FBXO22: variants seen among roughly 807,000 people sequenced by gnomAD.
The protein encoded by FBXO22 is F-box protein 22.
A neutral mutation model predicts 37.2 loss-of-function variants in FBXO22; 13 were observed. That is an observed-to-expected ratio of 0.35 (90% CI 0.23 to 0.56). FBXO22 has a LOEUF of 0.56. FBXO22 is among the 20% of genes least tolerant of loss of function. The probability of loss-of-function intolerance (pLI) is 0.87; values close to 1 mark genes in which losing one functional copy is unlikely to be tolerated. For synonymous variants in FBXO22, 189 were observed against 189.1 expected (o/e 1.00, Z 0.00); for missense variants, 446 against 509.9 (o/e 0.87, Z 1.21).
rs1351443205 is a variant in FBXO22 at position 75,929,891 on chromosome 15, A to G, written c.636A>G (p.Leu212=). Residue 212 remains leucine, a synonymous_variant, in exon 6 of 7, where the codon TTA becomes TTG. Transcript: ENST00000308275. ...CTCTTCATTTCTCTGCAGGTCTTTT[A>G]GATAACCCTGAACTTCGTGTGGTCC... ...ERHQLTEVGL[L]DNPELRVVLV... 11 of 1,614,056 alleles carry G rather than the reference A, an allele frequency of 6.8e-6. No homozygotes were observed. Among genetic ancestry groups the G allele is most frequent in the Non-Finnish European group, 9.3e-6 (11 of 1,179,940 alleles).
intron 2 of FBXO22, among the ~76,000 whole-genome samples, chr15:75,906,133 C>CA (rs1172517837): frequency 6.6e-6 from 1 of 152,142 alleles, no homozygotes; most frequent in Non-Finnish European, 1.5e-5. Context: ...AGGCTGGCTT[C>CA]AGTGTCTTTT....
chr15:75,932,597 C>A, intron 6 of FBXO22, 88 bp from the exon 7 acceptor site: 1 of 1,304,418 alleles, frequency 7.7e-7, no homozygotes, highest in Non-Finnish European at 1.0e-6. Flanking sequence ...AGGCAGCAGC[C>A]TCCCGTCAGT....
At chr15:75,926,396 A>C (rs1900441354) in intron 5 of FBXO22, among the ~76,000 whole-genome samples, 1 of 152,244 alleles carries the variant, frequency 6.6e-6, no homozygotes, top group African/African-American at 2.4e-5. Flanking sequence ...CTGTTGGTTA[A>C]ATACAGAGCC....
intron 1 of FBXO22, 123 bp from the exon 2 acceptor site, chr15:75,904,368 C>T (rs2255701): frequency 0.16 from 231,160 of 1,435,884 alleles, 20,544 homozygotes; most frequent in Admixed American, 0.34. Context: ...CACCTACCTA[C>T]CCCGGGGACT....
intron 6 of FBXO22, chr15:75,930,880 G>A (rs2029985690): frequency 1.0e-6 from 1 of 976,836 alleles, no homozygotes; most frequent in African/African-American, 1.8e-5. Context: ...GTATCTATAA[G>A]AATAATGTAA....
At position 75,933,176 on chromosome 15, in the gene FBXO22, G is replaced by GT; in HGVS notation, c.*75dup. The GT allele has an allele frequency of 7.7e-7, 1 of 1,293,800 alleles. No homozygotes were observed. The highest frequency in any genetic ancestry group is 2.3e-5 in the Admixed American group (1 of 43,918). 80.1% of individuals were successfully genotyped at this position (1,293,800 alleles called of 1,614,324 possible). A position where few individuals can be genotyped will look rare whatever the true frequency, so the allele number is the denominator to read the frequency against. On this transcript the variant is annotated 3_prime_UTR_variant, in exon 7 of 7. Transcript: ENST00000308275. ...CAGAAAATGGAAACTTGGGCCATGT[G>GT]TATTTCAAACAAAAATAACTTTAGA...
At chr15:75,915,094 A>G (rs1321482509) in intron 4 of FBXO22, among the ~76,000 whole-genome samples, 2 of 152,126 alleles carry the variant, frequency 1.3e-5, no homozygotes, top group African/African-American at 4.8e-5. Context: ...CAGCCTCCCA[A>G]GTAGCTGGGA....
In FBXO22 at chr15:75,938,578, C is replaced by CAGAT. The variant is rs1263107703; in HGVS notation, c.*5479_*5482dup. On this transcript the variant is annotated 3_prime_UTR_variant, in exon 7 of 7. Coordinates refer to ENST00000308275, the MANE Select transcript of FBXO22 (RefSeq NM_147188.3). ...TAAATGAACAAAATCAGAATATCAA[C>CAGAT]AGATAGGCATTATAAAAAAATTCTG... is the stretch of plus-strand genomic sequence containing the variant. 2.0e-5 allele frequency: 3 copies of CAGAT among 152,118 alleles called. No individual in the cohort carries two copies. Among genetic ancestry groups the CAGAT allele is most frequent in the Non-Finnish European group, 2.9e-5 (2 of 67,984 alleles). The allele number at this position is 152,118 out of a possible 1,614,324, so 9.4% of individuals were successfully genotyped here.
rs1189149348 is a variant in FBXO22, at chr15:75,942,286, G to A, written c.*9184G>A. ...TCCATAAAGACATACAACAAAAAGA[G>A]GACCCTTCATGTAAATTACAGGCTT... On this transcript the variant is annotated 3_prime_UTR_variant, in exon 7 of 7. Transcript: ENST00000308275. The A allele has an allele frequency of 6.6e-6, 1 of 152,018 alleles. No homozygotes were observed. The highest frequency in any genetic ancestry group is 2.4e-5 in the African/African-American group (1 of 41,354). 9.4% of individuals were successfully genotyped at this position (152,018 alleles called of 1,614,324 possible).
chr15:75,906,494 A>G (rs1411663861), intron 2 of FBXO22, among the ~76,000 whole-genome samples: 1 of 152,174 alleles, frequency 6.6e-6, no homozygotes, highest in Admixed American at 6.5e-5. Context: ...TTTCGAATCA[A>G]ACGCAGGATG....
intron 1 of FBXO22, 40 bp from the exon 2 acceptor site, chr15:75,904,451 G>T: frequency 6.2e-7 from 1 of 1,612,888 alleles, no homozygotes; most frequent in South Asian, 1.1e-5. Flanking sequence ...AGACGAAAAT[G>T]AACGTCCGTT....
Position 75,929,820 on chromosome 15 carries a change from A to G in FBXO22, c.629-64A>G, listed in dbSNP as rs979868235. Reference sequence around the variant, plus strand: ...GCAAGTCAGTAACATTTCATTTTGCAGCATGTATAAAATAATTTCTGTTTT... The same window carrying G: ...GCAAGTCAGTAACATTTCATTTTGCGGCATGTATAAAATAATTTCTGTTTT... On this transcript the variant is annotated intron_variant, in intron 5 of 6. Transcript: ENST00000308275. 4 of 1,591,960 alleles carry G rather than the reference A, an allele frequency of 2.5e-6. No individual in the cohort carries two copies. The African/African-American group carries it at 4.0e-5, about 16-fold the overall frequency.
At chr15:75,930,135 A>C (rs765284356) in intron 6 of FBXO22, 86 bp downstream of exon 6, 3 of 1,598,686 alleles carry the variant, frequency 1.9e-6, no homozygotes, top group Admixed American at 3.4e-5. Flanking sequence ...AATTTAAAAA[A>C]CGTGTTTAAA....
At chr15:75,912,488 T>A (rs761059005) in intron 2 of FBXO22, among the ~76,000 whole-genome samples, 3 of 152,200 alleles carry the variant, frequency 2.0e-5, no homozygotes, top group African/African-American at 7.2e-5. Context: ...TCTTCCTGGT[T>A]TAGTGTTGGA....
chr15:75,936,478 T>A lies in FBXO22; in HGVS notation c.*3376T>A, dbSNP rs2030348558. Reference sequence around the variant, plus strand: ...ATTTTTGTTTTATATATTTAACTTCTACCCTATGCCACAACTGAAGACAGG... The same window carrying A: ...ATTTTTGTTTTATATATTTAACTTCAACCCTATGCCACAACTGAAGACAGG... On this transcript the variant is annotated 3_prime_UTR_variant, in exon 7 of 7. Transcript: ENST00000308275. 1 of 152,238 alleles carries A rather than the reference T, an allele frequency of 6.6e-6. No individual in the cohort carries two copies. Among genetic ancestry groups the A allele is most frequent in the Non-Finnish European group, 1.5e-5 (1 of 68,040 alleles). The allele number at this position is 152,238 out of a possible 1,614,324, so 9.4% of individuals were successfully genotyped here. A position where few individuals can be genotyped will look rare whatever the true frequency, so the allele number is the denominator to read the frequency against.
At chr15:75,920,456 A>T (rs754525887) in intron 5 of FBXO22, among the ~76,000 whole-genome samples, 3 of 152,212 alleles carry the variant, frequency 2.0e-5, no homozygotes, top group Non-Finnish European at 4.4e-5. Context: ...GGAAGGAAGA[A>T]GATGATCAAT....
chr15:75,906,766 C>T (rs958597781), intron 2 of FBXO22, among the ~76,000 whole-genome samples: 1 of 152,094 alleles, frequency 6.6e-6, no homozygotes, highest in Admixed American at 6.6e-5. Context: ...TTCCCATTTT[C>T]CCAGAAGTTT....
chr15:75,918,518 G>C (rs1900242052), intron 5 of FBXO22, among the ~76,000 whole-genome samples: 2 of 152,172 alleles, frequency 1.3e-5, no homozygotes, highest in Admixed American at 1.3e-4. Context: ...TGCTGACTTA[G>C]AAATGAAATC....
In FBXO22 at chr15:75,904,537, C is replaced by T. The variant is rs150157752; in HGVS notation, c.187C>T (p.His63Tyr). ...GTGTGTGCGCAGAGTATTGCGGACC[C>T]ATCGGAGCGTAACCTGGATCTCCGC... ...RECVRRVLRTHRSVTWISAGL... is the reference protein window; with the variant it reads ...RECVRRVLRTYRSVTWISAGL... The change falls in exon 2 of 7, where the codon CAT becomes TAT. Residue 63 changes from histidine (H) to tyrosine (Y), a missense_variant. This residue lies in a region of FBXO22 where 131 missense variants were observed against 99.8 expected (regional missense o/e 1.31). Transcript: ENST00000308275. The T allele has an allele frequency of 4.2e-4, 671 of 1,613,748 alleles. No homozygotes were observed. The highest frequency in any genetic ancestry group is 5.3e-4 in the Non-Finnish European group (629 of 1,179,840).
Sources: allele counts gnomAD v4.1 joint callset (sites outside exome capture counted in the v4.1 genomes callset), GRCh38; gene constraint gnomAD v4.1.1; regional missense constraint gnomAD v4.1.1; transcripts MANE v1.5; gene names NCBI Gene and HGNC (gene_info 2026-07-23, HGNC 2026-07-21).